NKAIN2: variants seen among roughly 807,000 people sequenced by gnomAD.
NKAIN2 encodes the protein sodium/potassium-transporting ATPase subunit beta-1-interacting protein 2.
Under a neutral mutation model 32.6 loss-of-function variants are expected in NKAIN2, and 14 were observed. The observed-to-expected ratio is 0.43, with a 90% confidence interval of 0.28 to 0.67. NKAIN2 has a LOEUF of 0.67. Ranked by LOEUF, NKAIN2 falls within the 30% of genes least tolerant of loss-of-function variation. NKAIN2 has a pLI of 0.17. For synonymous variants in NKAIN2, 80 were observed against 87.2 expected (o/e 0.92, Z 0.46); for missense variants, 198 against 258.3 (o/e 0.77, Z 1.60).
intron 1 of NKAIN2, among the ~76,000 whole-genome samples, chr6:124,005,074 A>G (rs1051922981): frequency 6.6e-6 from 1 of 151,880 alleles, no homozygotes; most frequent in Non-Finnish European, 1.5e-5. Flanking sequence ...AAAATACAAA[A>G]ATTAGCCACA....
At chr6:124,552,384 G>C (rs535195598) in intron 3 of NKAIN2, among the ~76,000 whole-genome samples, 5 of 152,244 alleles carry the variant, frequency 3.3e-5, no homozygotes, top group Admixed American at 6.5e-5. Context: ...GCATCTCTCT[G>C]GCATCCAAAG....
At chr6:124,799,501 T>C (rs1360374869) in intron 5 of NKAIN2, among the ~76,000 whole-genome samples, 2 of 152,160 alleles carry the variant, frequency 1.3e-5, no homozygotes, top group East Asian at 3.9e-4. Context: ...CATCGTTAAA[T>C]AAATCTGATA....
intron 3 of NKAIN2, among the ~76,000 whole-genome samples, chr6:124,598,966 G>T (rs187900095): frequency 6.7e-4 from 101 of 151,392 alleles, no homozygotes; most frequent in African/African-American, 2.3e-3. Context: ...TCACTTTAAG[G>T]GTACTAATAT....
At chr6:124,725,306 A>G (rs1008553213) in intron 4 of NKAIN2, among the ~76,000 whole-genome samples, 9 of 152,050 alleles carry the variant, frequency 5.9e-5, no homozygotes, top group African/African-American at 1.9e-4. Flanking sequence ...TGTCATGATC[A>G]TAGCTCATTA....
chr6:124,019,802 A>T (rs1039338874), intron 1 of NKAIN2, among the ~76,000 whole-genome samples: 4 of 152,126 alleles, frequency 2.6e-5, no homozygotes, highest in African/African-American at 9.7e-5. Flanking sequence ...CAAATTCTTG[A>T]CATGATCCCC....
chr6:124,706,353 G>C (rs1288285689), intron 4 of NKAIN2, among the ~76,000 whole-genome samples: 1 of 152,038 alleles, frequency 6.6e-6, no homozygotes, highest in African/African-American at 2.4e-5. Flanking sequence ...AAATGAGAAA[G>C]TTCTAGTTCA....
At chr6:124,667,118 C>T (rs1221799740) in intron 4 of NKAIN2, among the ~76,000 whole-genome samples, 1 of 152,112 alleles carries the variant, frequency 6.6e-6, no homozygotes, top group East Asian at 1.9e-4. Context: ...CTATCCTACA[C>T]AGCAGCAAAT....
rs1262331700 is a variant in NKAIN2 at position 124,726,917 on chromosome 6, C to T, written c.475-64422C>T. On this transcript the variant is annotated intron_variant, in intron 4 of 6. Coordinates refer to ENST00000368417, the MANE Select transcript of NKAIN2 (RefSeq NM_001040214.3). ...GAGAACTACGTGAAGAATGCAGAAG[C>T]CTCAGGAGCTGATGCAATCAACTGG... Among the ~76,000 whole-genome samples, 649 of 118,860 alleles carry T rather than the reference C, an allele frequency of 5.5e-3. 2 individuals carry two copies. Among genetic ancestry groups the T allele is most frequent in the Middle Eastern group, 0.012 (3 of 244 alleles). 78.0% of individuals were successfully genotyped at this position (118,860 alleles called of 152,430 possible).
At chr6:123,881,167 G>A (rs556375381) in intron 1 of NKAIN2, among the ~76,000 whole-genome samples, 28 of 152,084 alleles carry the variant, frequency 1.8e-4, no homozygotes, top group Non-Finnish European at 3.4e-4. Context: ...GATTATAGGC[G>A]GCCACCACCA....
At chr6:124,015,610 C>A (rs1457849760) in intron 1 of NKAIN2, among the ~76,000 whole-genome samples, 1 of 152,116 alleles carries the variant, frequency 6.6e-6, no homozygotes, top group Non-Finnish European at 1.5e-5. Flanking sequence ...TGCTTCAAAG[C>A]CGTTCTGTAT....
At chr6:124,542,858 TATTC>T (rs1235235434) in intron 3 of NKAIN2, among the ~76,000 whole-genome samples, 25 of 152,114 alleles carry the variant, frequency 1.6e-4, no homozygotes, top group Admixed American at 1.6e-3. Flanking sequence ...AAAAAGATAA[TATTC>T]ATAACATTTC....
chr6:124,491,878 A>T (rs1355345797), intron 3 of NKAIN2, among the ~76,000 whole-genome samples: 1 of 151,958 alleles, frequency 6.6e-6, no homozygotes, highest in East Asian at 1.9e-4. Context: ...TAAGAAACAG[A>T]AACAAGAGTA....
chr6:124,504,404 C>T (rs1399943996), intron 3 of NKAIN2, among the ~76,000 whole-genome samples: 1 of 152,056 alleles, frequency 6.6e-6, no homozygotes, highest in African/African-American at 2.4e-5. Flanking sequence ...CAGTGATGGC[C>T]CTTTATTTGA....
intron 3 of NKAIN2, among the ~76,000 whole-genome samples, chr6:124,619,102 G>C (rs1416001591): frequency 2.0e-5 from 3 of 151,940 alleles, no homozygotes; most frequent in African/African-American, 7.3e-5. Flanking sequence ...ATTTAAGGAA[G>C]AGAATTACAT....
In NKAIN2 at chr6:124,463,972, CTTTGT is replaced by C. The variant is rs962806367; in HGVS notation, c.273+108642_273+108646del. ...GGTGCAGGAAATCATTTGAATGGCA[CTTTGT>C]TTTGTTTTGTTTTGTTATGCTTTGT... On this transcript the variant is annotated intron_variant, in intron 3 of 6. Transcript: ENST00000368417. 1.2e-4 allele frequency among the ~76,000 whole-genome samples: 18 copies of C among 152,008 alleles called. No homozygotes were observed. In the South Asian group the frequency reaches 1.9e-3, roughly 16 times the overall value.
At chr6:124,639,111 A>G (rs1451269170) in intron 3 of NKAIN2, among the ~76,000 whole-genome samples, 1 of 151,938 alleles carries the variant, frequency 6.6e-6, no homozygotes, top group East Asian at 1.9e-4. Flanking sequence ...AGAAAAAGGA[A>G]CTCTTATACA....
chr6:124,631,700 A>AGTTG (rs978642408), intron 3 of NKAIN2, among the ~76,000 whole-genome samples: 12 of 152,140 alleles, frequency 7.9e-5, no homozygotes, highest in African/African-American at 2.9e-4. Flanking sequence ...CCCAGGAGTT[A>AGTTG]ACTATAAAGG....
At chr6:123,922,341 A>C (rs1038594789) in intron 1 of NKAIN2, among the ~76,000 whole-genome samples, 1 of 152,240 alleles carries the variant, frequency 6.6e-6, no homozygotes, top group African/African-American at 2.4e-5. Context: ...ACCTGGATTA[A>C]GTTTCATCTG....
chr6:124,130,162 T>A (rs143919059), intron 1 of NKAIN2, among the ~76,000 whole-genome samples: 9 of 152,248 alleles, frequency 5.9e-5, no homozygotes, highest in African/African-American at 2.2e-4. Context: ...AGAGGGAAAC[T>A]GTGAGAAAGG....
Sources: gnomAD v4.1 joint callset for allele counts (sites outside exome capture counted in the v4.1 genomes callset) on GRCh38, gnomAD v4.1.1 for gene constraint, MANE v1.5 for transcripts, NCBI Gene and HGNC (gene_info 2026-07-23, HGNC 2026-07-21) for gene names.